Variants in FGF14 observed in about 807,000 individuals in gnomAD.
The protein encoded by FGF14 is fibroblast growth factor 14, also known as fibroblast growth factor homologous factor 4.
In FGF14, 5 loss-of-function variants were observed where a neutral mutation model predicts 25.5. The ratio of observed to expected loss-of-function variants is 0.20; its 90% CI spans 0.10 to 0.41. FGF14 has a LOEUF of 0.41. Ranked by LOEUF, FGF14 falls within the 10% of genes least tolerant of loss-of-function variation. The probability of loss-of-function intolerance (pLI) is 1.00; values close to 1 mark genes in which losing one functional copy is unlikely to be tolerated. For synonymous variants in FGF14, 138 were observed against 118.3 expected, an observed-to-expected ratio of 1.17 and a Z score of -1.08; for missense variants, 222 against 320.1, an observed-to-expected ratio of 0.69 and a Z score of 2.34.
At chr13:101,924,450 T>TAA (rs1566444202) in intron 1 of FGF14, among the ~76,000 whole-genome samples, 1 of 152,154 alleles carries the variant, frequency 6.6e-6, no homozygotes, top group Non-Finnish European at 1.5e-5. Flanking sequence ...GTGATTTTTT[T>TAA]AAAAAAGCCA....
rs754573570 is a variant in FGF14, at chr13:102,256,545, C to T, written c.208+144926G>A. ...GCTAATGTACAAGTTAAAACAGAGG[C>T]GCCTAGCAACTTGTCAAATTTTGTT... On this transcript the variant is annotated intron_variant, in intron 1 of 4. Transcript: ENST00000376131. Among the ~76,000 whole-genome samples, 98 of 152,158 alleles carry T rather than the reference C, an allele frequency of 6.4e-4. 1 individual carries two copies. The highest frequency in any genetic ancestry group is 3.7e-4 in the Non-Finnish European group (25 of 67,990).
At chr13:102,360,801 G>A (rs976044231) in intron 1 of FGF14, among the ~76,000 whole-genome samples, 2 of 151,948 alleles carry the variant, frequency 1.3e-5, no homozygotes, top group Non-Finnish European at 2.9e-5. Flanking sequence ...TTATGTCCTC[G>A]TGTCTTAACC....
At chr13:102,098,497 C>G (rs190842400) in intron 1 of FGF14, among the ~76,000 whole-genome samples, 1 of 152,150 alleles carries the variant, frequency 6.6e-6, no homozygotes, top group Non-Finnish European at 1.5e-5. Flanking sequence ...CTATTTACAG[C>G]TATTAATAAT....
At chr13:102,272,590 T>G (rs1462824730) in intron 1 of FGF14, among the ~76,000 whole-genome samples, 1 of 152,206 alleles carries the variant, frequency 6.6e-6, no homozygotes, top group East Asian at 1.9e-4. Context: ...GGTCCTGTCC[T>G]AAATACTGCA....
chr13:102,294,028 AGAAACCT>A (rs2054567818), intron 1 of FGF14: 1 of 152,188 alleles, frequency 6.6e-6, no homozygotes. Context: ...ATGTAGAAGT[AGAAACCT>A]GAAATCTGAA....
chr13:101,803,695 T>A (rs1180463425), intron 3 of FGF14, among the ~76,000 whole-genome samples: 1 of 152,182 alleles, frequency 6.6e-6, no homozygotes, highest in East Asian at 1.9e-4. Flanking sequence ...GACTATATGA[T>A]CCTGTAGATG....
At chr13:101,812,825 C>T (rs920610825) in intron 3 of FGF14, among the ~76,000 whole-genome samples, 4 of 151,224 alleles carry the variant, frequency 2.6e-5, no homozygotes, top group African/African-American at 9.7e-5. Flanking sequence ...TGCCACCACA[C>T]CCAGCTACTT....
chr13:102,357,679 T>C (rs2057457029), intron 1 of FGF14, among the ~76,000 whole-genome samples: 1 of 152,180 alleles, frequency 6.6e-6, no homozygotes, highest in Non-Finnish European at 1.5e-5. Flanking sequence ...TTCAATGAGT[T>C]AGTATAGATG....
chr13:102,346,884 C>T (rs986249706), intron 1 of FGF14, among the ~76,000 whole-genome samples: 5 of 152,066 alleles, frequency 3.3e-5, no homozygotes, highest in Admixed American at 6.5e-5. Flanking sequence ...ACAGGTGCTA[C>T]AATCATTAAA....
intron 1 of FGF14, among the ~76,000 whole-genome samples, chr13:102,222,305 T>A (rs566895564): frequency 6.6e-6 from 1 of 152,360 alleles, no homozygotes; most frequent in South Asian, 2.1e-4. Flanking sequence ...GATTGCTAGA[T>A]CTTCTGGCAG....
intron 3 of FGF14, among the ~76,000 whole-genome samples, chr13:101,845,125 C>T (rs2043385770): frequency 6.6e-6 from 1 of 151,952 alleles, no homozygotes; most frequent in Admixed American, 6.6e-5. Context: ...AGAAAATAGA[C>T]AATAATACAG....
intron 1 of FGF14, among the ~76,000 whole-genome samples, chr13:102,294,224 T>G (rs547310607): frequency 6.6e-6 from 1 of 152,162 alleles, no homozygotes; most frequent in Admixed American, 6.6e-5. Flanking sequence ...GAAAACATAT[T>G]TATTCAAATA....
At chr13:102,328,652 T>A (rs1482689432) in intron 1 of FGF14, among the ~76,000 whole-genome samples, 1 of 152,236 alleles carries the variant, frequency 6.6e-6, no homozygotes, top group Non-Finnish European at 1.5e-5. Flanking sequence ...TATCGTGTGA[T>A]ACACGAAGGA....
rs973365221 is a variant in FGF14, at chr13:101,728,552, G to T, written c.409-1742C>A. Among the ~76,000 whole-genome samples, 8 of 152,186 alleles carry T rather than the reference G, an allele frequency of 5.3e-5. No homozygotes were observed. The East Asian group carries it at 7.7e-4, about 15-fold the overall frequency. On this transcript the variant is annotated intron_variant, in intron 3 of 4. Transcript: ENST00000376143. ...GCATTTATTGTGAGTAAAACAAAAT[G>T]GAATGCTATAAATCTGGCTTCTCCC...
intron 3 of FGF14, among the ~76,000 whole-genome samples, chr13:101,857,355 C>T (rs915159174): frequency 6.6e-6 from 1 of 151,946 alleles, no homozygotes; most frequent in Non-Finnish European, 1.5e-5. Context: ...AAATAGCAAC[C>T]AATTATGGTG....
At chr13:102,265,917 T>G (rs749830783) in intron 1 of FGF14, among the ~76,000 whole-genome samples, 1 of 152,050 alleles carries the variant, frequency 6.6e-6, no homozygotes, top group African/African-American at 2.4e-5. Flanking sequence ...AAAAAAAAAT[T>G]TGTTTACTTC....
At chr13:101,819,680 T>A (rs1163552542) in intron 3 of FGF14, among the ~76,000 whole-genome samples, 1 of 152,236 alleles carries the variant, frequency 6.6e-6, no homozygotes, top group Non-Finnish European at 1.5e-5. Context: ...AGAAGGTATC[T>A]CCTATTTTCT....
At chr13:101,737,815 A>C (rs1450878433) in intron 3 of FGF14, among the ~76,000 whole-genome samples, 1 of 152,126 alleles carries the variant, frequency 6.6e-6, no homozygotes, top group Admixed American at 6.5e-5. Context: ...CCACATTTTA[A>C]ATTAGACCTT....
chr13:101,933,242 T>C (rs942580453), intron 1 of FGF14, among the ~76,000 whole-genome samples: 1 of 152,216 alleles, frequency 6.6e-6, no homozygotes, highest in African/African-American at 2.4e-5. Context: ...CCTCTTTGCA[T>C]GTGTTTGCAG....
Sources: gnomAD v4.1 joint callset for allele counts (sites outside exome capture counted in the v4.1 genomes callset) on GRCh38, gnomAD v4.1.1 for gene constraint, MANE v1.5 for transcripts, NCBI Gene and HGNC (gene_info 2026-07-23, HGNC 2026-07-21) for gene names.